The following VAC14 variants were observed in gnomAD, a reference collection of about 807,000 sequenced individuals.
The protein encoded by VAC14 is protein VAC14 homolog.
In VAC14, 47 loss-of-function variants were observed where a neutral mutation model predicts 85.3. The observed-to-expected ratio is 0.55, with a 90% confidence interval of 0.44 to 0.70. The LOEUF is 0.70. Among genes scored for constraint, VAC14 ranks in the 30% least tolerant of loss-of-function variants. VAC14 has a pLI of 0.00. For missense variants in VAC14, 861 were observed against 1,004.3 expected, an observed-to-expected ratio of 0.86 and a Z score of 1.93; for synonymous variants, 447 against 430.5, an observed-to-expected ratio of 1.04 and a Z score of -0.47.
chr16:70,794,813 T>A (rs1477228293), intron 1 of VAC14, among the ~76,000 whole-genome samples: 1 of 152,082 alleles, frequency 6.6e-6, no homozygotes, highest in Non-Finnish European at 1.5e-5. Context: ...CCAAGCTGGG[T>A]GGAATTCTGA....
At chr16:70,729,780 A>ACTAGATTGTGCAGACCAT (rs751340828) in intron 14 of VAC14, among the ~76,000 whole-genome samples, 5 of 152,014 alleles carry the variant, frequency 3.3e-5, no homozygotes, top group Non-Finnish European at 7.4e-5. Context: ...GTGCAGAACC[A>ACTAGATTGTGCAGACCAT]TCTAGAATGG....
At chr16:70,785,553 A>C in intron 3 of VAC14, 149 bp downstream of exon 3, 2 of 919,800 alleles carry the variant, frequency 2.2e-6, no homozygotes, top group Non-Finnish European at 3.2e-6. Context: ...ATTAAAAATG[A>C]TTAGATTCAA....
At chr16:70,785,026 C>T (rs2033983326) in intron 3 of VAC14, among the ~76,000 whole-genome samples, 188 bp from the exon 4 acceptor site, 1 of 152,210 alleles carries the variant, frequency 6.6e-6, no homozygotes, top group South Asian at 2.1e-4. Flanking sequence ...ATGGAGTTGG[C>T]TGAGGAGCAG....
rs537604240 is a variant in VAC14 at position 70,780,669 on chromosome 16, G to T, written c.1096+121C>A. 2.3e-5 allele frequency: 30 copies of T among 1,277,872 alleles called. No individual in the cohort carries two copies. The South Asian group carries it at 3.8e-4, about 16-fold the overall frequency. The allele number at this position is 1,277,872 out of a possible 1,614,324, so 79.2% of individuals were successfully genotyped here. On this transcript the variant is annotated intron_variant, in intron 9 of 18. Transcript: ENST00000261776. Reference sequence around the variant, plus strand: ...ACTGCGCTGGGTTGCTGCTACAATTGTGTGAGTGACATACATAAAGTAGTC... The same window carrying T: ...ACTGCGCTGGGTTGCTGCTACAATTTTGTGAGTGACATACATAAAGTAGTC...
At chr16:70,780,983 G>T in intron 8 of VAC14, 44 bp from the exon 9 acceptor site, 1 of 1,609,654 alleles carries the variant, frequency 6.2e-7, no homozygotes, top group Non-Finnish European at 8.5e-7. Flanking sequence ...TTGGATGCCT[G>T]TCTCTCTAAA....
intron 13 of VAC14, among the ~76,000 whole-genome samples, chr16:70,733,663 C>G (rs1266268222): frequency 6.6e-6 from 1 of 151,996 alleles, no homozygotes. Context: ...CCTGCTTTGG[C>G]CTCCTCTGCC....
At chr16:70,734,573 G>C (rs2054692507) in intron 13 of VAC14, among the ~76,000 whole-genome samples, 1 of 152,184 alleles carries the variant, frequency 6.6e-6, no homozygotes, top group Non-Finnish European at 1.5e-5. Flanking sequence ...AAGATTTGCT[G>C]ATGTATTTTA....
intron 12 of VAC14, chr16:70,756,230 G>A (rs2037148680): frequency 2.8e-6 from 1 of 355,088 alleles, no homozygotes; most frequent in South Asian, 2.1e-5. Flanking sequence ...GCTCTGGGCT[G>A]GGCTGAGGCT....
chr16:70,733,521 G>A lies in VAC14; in HGVS notation c.1529-1894C>T, dbSNP rs796845958. On this transcript the variant is annotated intron_variant, in intron 13 of 18. Transcript: ENST00000261776. ...TGTTGGAAGTGGGGCCTGGTGGGAG[G>A]TTACTGGATGATGGGGGTGGATTTC... Among the ~76,000 whole-genome samples, 66 of 152,102 alleles carry A rather than the reference G, an allele frequency of 4.3e-4. 1 individual carries two copies. Among genetic ancestry groups the A allele is most frequent in the African/African-American group, 1.4e-3 (59 of 41,488 alleles).
intron 13 of VAC14, among the ~76,000 whole-genome samples, chr16:70,735,778 G>A (rs1302301940): frequency 6.6e-6 from 1 of 152,284 alleles, no homozygotes; most frequent in East Asian, 1.9e-4. Context: ...TGTTTGGACT[G>A]CATTGTGCTG....
chr16:70,716,509 G>A (rs970602171), intron 14 of VAC14: 5 of 152,286 alleles, frequency 3.3e-5, no homozygotes, highest in African/African-American at 1.2e-4. Flanking sequence ...CCGTACAAAG[G>A]CAGCAGGCAG....
intron 13 of VAC14, among the ~76,000 whole-genome samples, chr16:70,732,805 T>G (rs2054631146): frequency 6.6e-6 from 1 of 151,980 alleles, no homozygotes; most frequent in Non-Finnish European, 1.5e-5. Context: ...CCACGCCCAG[T>G]TAATTTTTGT....
chr16:70,719,995 G>C (rs754919718), intron 14 of VAC14, among the ~76,000 whole-genome samples: 15 of 152,168 alleles, frequency 9.9e-5, no homozygotes, highest in Non-Finnish European at 2.1e-4. Flanking sequence ...TCGTCATACA[G>C]AATATTCCAT....
At chr16:70,692,671 C>CA (rs1555513010) in intron 18 of VAC14, 150 bp downstream of exon 18, 2 of 1,040,382 alleles carry the variant, frequency 1.9e-6, no homozygotes, top group Admixed American at 2.6e-5. Flanking sequence ...CAAGTGGCTG[C>CA]GGGGGGGATG....
At chr16:70,784,951 T>C in intron 3 of VAC14, 113 bp from the exon 4 acceptor site, 1 of 894,412 alleles carries the variant, frequency 1.1e-6, no homozygotes, top group Non-Finnish European at 1.9e-6. Flanking sequence ...CCAGAACATC[T>C]AGCAAGAACA....
intron 14 of VAC14, among the ~76,000 whole-genome samples, chr16:70,726,925 T>G (rs1007801537): frequency 1.3e-5 from 2 of 152,290 alleles, no homozygotes; most frequent in Non-Finnish European, 2.9e-5. Flanking sequence ...GGAGCTTGGG[T>G]ACCCCGTTCT....
intron 14 of VAC14, among the ~76,000 whole-genome samples, chr16:70,701,671 C>T (rs1166125835): frequency 6.6e-6 from 1 of 152,174 alleles, no homozygotes; most frequent in African/African-American, 2.4e-5. Context: ...CTAAAACAGG[C>T]CCATCAGAAC....
intron 10 of VAC14, chr16:70,766,337 C>A: frequency 2.6e-6 from 1 of 381,836 alleles, no homozygotes; most frequent in Non-Finnish European, 5.3e-6. Context: ...TGGGGCCTCT[C>A]CTGCAAGTGG....
chr16:70,711,152 C>T (rs2054025060), intron 14 of VAC14, among the ~76,000 whole-genome samples: 1 of 152,232 alleles, frequency 6.6e-6, no homozygotes, highest in South Asian at 2.1e-4. Context: ...ACTGAGGAAC[C>T]CCAGAGCCTG....
Sources: gnomAD v4.1 joint callset for allele counts (sites outside exome capture counted in the v4.1 genomes callset) on GRCh38, gnomAD v4.1.1 for gene constraint, MANE v1.5 for transcripts, NCBI Gene and HGNC (gene_info 2026-07-23, HGNC 2026-07-21) for gene names.